Variants in PDCD6IP observed in about 807,000 individuals in gnomAD.
PDCD6IP encodes the protein programmed cell death 6-interacting protein.
In PDCD6IP, 43 loss-of-function variants were observed where a neutral mutation model predicts 103.7. The observed-to-expected ratio is 0.41, with a 90% CI of 0.32 to 0.53. The LOEUF is 0.53. Among genes scored for constraint, PDCD6IP ranks in the 20% least tolerant of loss-of-function variants. PDCD6IP has a pLI of 0.16. For missense variants in PDCD6IP, 871 were observed against 1,036.7 expected (o/e 0.84, Z 2.20); for synonymous variants, 354 against 378.7 (o/e 0.93, Z 0.76).
At chr3:33,837,198 G>A (rs772708338) in intron 8 of PDCD6IP, among the ~76,000 whole-genome samples, 6 of 152,134 alleles carry the variant, frequency 3.9e-5, no homozygotes, top group South Asian at 2.1e-4. Context: ...TGGATTACAG[G>A]CATGAGCCAC....
intron 1 of PDCD6IP, 65 bp from the exon 2 acceptor site, chr3:33,812,007 T>C: frequency 2.6e-6 from 4 of 1,520,888 alleles, no homozygotes; most frequent in Non-Finnish European, 3.5e-6. Context: ...TTTAAACCAG[T>C]TGTAATTACA....
At chr3:33,832,277 A>G (rs1241563505) in intron 7 of PDCD6IP, among the ~76,000 whole-genome samples, 3 of 152,096 alleles carry the variant, frequency 2.0e-5, no homozygotes, top group African/African-American at 7.2e-5. Flanking sequence ...TACGGGAACT[A>G]ATCCCCTATG....
Position 33,798,645 on chromosome 3 carries a change from C to A in PDCD6IP, c.-84C>A. On this transcript the variant is annotated 5_prime_UTR_variant, in exon 1 of 18. Transcript: ENST00000307296. ...TCTGTCAGCCAGTCAGTCCGCCAGT[C>A]CGCCAGCCCAGTACCTCTCTCTCCT... 7.8e-7 allele frequency: 1 copy of A among 1,277,988 alleles called. No homozygotes were observed. The highest frequency in any genetic ancestry group is 1.1e-6 in the Non-Finnish European group (1 of 950,210). The allele number at this position is 1,277,988 out of a possible 1,614,324, so 79.2% of individuals were successfully genotyped here.
At chr3:33,816,556 T>TCATCC (rs1696858999) in intron 3 of PDCD6IP, among the ~76,000 whole-genome samples, 1 of 145,892 alleles carries the variant, frequency 6.9e-6, no homozygotes, top group Non-Finnish European at 1.5e-5. Context: ...ATTCTGATGA[T>TCATCC]CATCCCAGGT....
At position 33,838,303 on chromosome 3, in the gene PDCD6IP, G is replaced by A. The variant is rs1419222969; in HGVS notation, c.1157G>A (p.Arg386Lys). ...GTTAACAGATCAATTGCTCAGATGA[G>A]AGAAGCCACCACTTTGGCAAATGGG... The part of the protein sequence containing the change: ...DLVNRSIAQM[R>K]EATTLANGVL... Residue 386 changes from arginine to lysine, a missense_variant, in exon 9 of 18, where the codon AGA (arginine) becomes AAA (lysine). Arg to Lys is a conservative substitution (Grantham distance 26, BLOSUM62 2). Around this residue, in one of 5 missense-constraint regions of PDCD6IP, gnomAD observed 266 missense variants for 390.5 expected, o/e 0.68. Transcript: ENST00000307296. 1.4e-5 allele frequency: 22 copies of A among 1,613,412 alleles called. No homozygotes were observed. The highest frequency in any genetic ancestry group is 1.8e-5 in the Non-Finnish European group (21 of 1,179,444).
intron 1 of PDCD6IP, chr3:33,799,288 C>G: frequency 1.3e-5 from 3 of 235,460 alleles, no homozygotes; most frequent in Admixed American, 5.6e-5. Context: ...CTTCCCCTTT[C>G]GCCCCATTTT....
At chr3:33,846,130 A>G (rs994572012) in intron 12 of PDCD6IP, among the ~76,000 whole-genome samples, 1 of 152,232 alleles carries the variant, frequency 6.6e-6, no homozygotes, top group African/African-American at 2.4e-5. Context: ...TGCAAGTATA[A>G]TTTAATGACC....
At chr3:33,825,528 T>C (rs1286050518) in intron 5 of PDCD6IP, among the ~76,000 whole-genome samples, 188 bp downstream of exon 5, 1 of 152,250 alleles carries the variant, frequency 6.6e-6, no homozygotes, top group Non-Finnish European at 1.5e-5. Flanking sequence ...GAATGTAGGC[T>C]GTGTTTGAAG....
rs980638479 is a variant in PDCD6IP, at chr3:33,869,118, C to A, written c.*2593C>A. 4 of 152,200 alleles carry A rather than the reference C, an allele frequency of 2.6e-5. No homozygotes were observed. Among genetic ancestry groups the A allele is most frequent in the African/African-American group, 9.7e-5 (4 of 41,444 alleles). 9.4% of individuals were successfully genotyped at this position (152,200 alleles called of 1,614,324 possible). ...CTAAAGTTCTGTCCCAGTCAGCAGT[C>A]TTTATAGTCCAAACAGATTATAAAA... On this transcript the variant is annotated 3_prime_UTR_variant, in exon 18 of 18. Transcript: ENST00000307296.
chr3:33,827,593 TCTC>T (rs1218856767), intron 6 of PDCD6IP: 2 of 152,086 alleles, frequency 1.3e-5, no homozygotes, highest in Non-Finnish European at 1.5e-5. Context: ...AGACTTGGGA[TCTC>T]CTCTCATGTT....
At chr3:33,837,935 C>T (rs1479452012) in intron 8 of PDCD6IP, among the ~76,000 whole-genome samples, 2 of 152,180 alleles carry the variant, frequency 1.3e-5, no homozygotes, top group South Asian at 2.1e-4. Context: ...GAAGATCCCT[C>T]AAACTCAGTG....
intron 12 of PDCD6IP, among the ~76,000 whole-genome samples, chr3:33,850,161 C>T (rs1697682285): frequency 6.6e-6 from 1 of 152,128 alleles, no homozygotes; most frequent in Non-Finnish European, 1.5e-5. Context: ...CTATTATGCC[C>T]ATTTTGCAGT....
At chr3:33,823,450 C>T (rs368747348) in intron 4 of PDCD6IP, among the ~76,000 whole-genome samples, 16 of 152,280 alleles carry the variant, frequency 1.1e-4, no homozygotes, top group African/African-American at 3.9e-4. Flanking sequence ...ATAATGCATA[C>T]GCTATTTCTT....
rs1696767997 is a variant in PDCD6IP at position 33,813,717 on chromosome 3, T to C, written c.334+89T>C. ...TTTAAAATTGTTATCCTAATGACTC[T>C]TTGTAAATACTAAAGTTTTTTACAT... On this transcript the variant is annotated intron_variant, in intron 3 of 17. Coordinates refer to ENST00000307296, the MANE Select transcript of PDCD6IP (RefSeq NM_013374.6). 1.1e-5 allele frequency: 8 copies of C among 749,296 alleles called. No homozygotes were observed. In the Middle Eastern group the frequency reaches 7.5e-4, roughly 70 times the overall value. 46.4% of individuals were successfully genotyped at this position (749,296 alleles called of 1,614,324 possible). A position where few individuals can be genotyped will look rare whatever the true frequency, so the allele number is the denominator to read the frequency against.
chr3:33,863,006 GAAGA>G (rs1235871103), intron 15 of PDCD6IP, among the ~76,000 whole-genome samples: 1 of 152,032 alleles, frequency 6.6e-6, no homozygotes, highest in East Asian at 1.9e-4. Flanking sequence ...TAAACAATAG[GAAGA>G]AAGAGGATTT....
rs889730257 is a variant in PDCD6IP at position 33,869,212 on chromosome 3, A to G, written c.*2687A>G. 1.3e-5 allele frequency: 1 copy of G among 74,162 alleles called. No individual in the cohort carries two copies. The highest frequency in any genetic ancestry group is 2.7e-5 in the Non-Finnish European group (1 of 37,068). 4.6% of individuals were successfully genotyped at this position (74,162 alleles called of 1,614,324 possible). A position where few individuals can be genotyped will look rare whatever the true frequency, so the allele number is the denominator to read the frequency against. ...TACATTTTCTAATTTCAGAAACAGGATAATTTGTTAAGTGGGTTTCAGTTT... is the reference window on the plus strand; with the variant it reads ...TACATTTTCTAATTTCAGAAACAGGGTAATTTGTTAAGTGGGTTTCAGTTT... On this transcript the variant is annotated 3_prime_UTR_variant, in exon 18 of 18. Transcript: ENST00000307296.
intron 2 of PDCD6IP, among the ~76,000 whole-genome samples, chr3:33,812,955 A>G (rs1266458725): frequency 6.6e-6 from 1 of 152,164 alleles, no homozygotes; most frequent in African/African-American, 2.4e-5. Context: ...AATAATTTAA[A>G]TGAGGTTTAT....
chr3:33,857,857 C>G (rs1697863146), intron 15 of PDCD6IP, among the ~76,000 whole-genome samples: 1 of 152,112 alleles, frequency 6.6e-6, no homozygotes, highest in African/African-American at 2.4e-5. Flanking sequence ...TGGAGAAGCA[C>G]TATAAACAGT....
At chr3:33,862,196 A>G (rs1476379308) in intron 15 of PDCD6IP, among the ~76,000 whole-genome samples, 2 of 151,732 alleles carry the variant, frequency 1.3e-5, no homozygotes, top group East Asian at 3.9e-4. Context: ...TATTGATTAA[A>G]AACTTATTTA....
Sources: gnomAD v4.1 joint callset for allele counts (sites outside exome capture counted in the v4.1 genomes callset) on GRCh38, gnomAD v4.1.1 for gene constraint, gnomAD v4.1.1 regional missense constraint, MANE v1.5 for transcripts, NCBI Gene and HGNC (gene_info 2026-07-23, HGNC 2026-07-21) for gene names.